The following CD101 variants were observed in gnomAD, a reference collection of about 807,000 sequenced individuals.
CD101 encodes the protein immunoglobulin superfamily member 2.
A neutral mutation model predicts 98.2 loss-of-function variants in CD101; 76 were observed. That is an observed-to-expected ratio of 0.77 (90% CI 0.64 to 0.94). The LOEUF (loss-of-function observed/expected upper bound fraction) is 0.94. Ranked by LOEUF, CD101 falls within the 40% of genes least tolerant of loss-of-function variation. The pLI is 0.00. For synonymous variants in CD101, 471 were observed against 472.7 expected (o/e 1.00, Z 0.05); for missense variants, 1,145 against 1,218.8 (o/e 0.94, Z 0.90).
At chr1:117,003,770 T>C (rs1401779481) in intron 1 of CD101, among the ~76,000 whole-genome samples, 1 of 152,234 alleles carries the variant, frequency 6.6e-6, no homozygotes, top group Non-Finnish European at 1.5e-5. Context: ...GTTATACATT[T>C]ACTTCTTCTA....
Position 117,006,929 on chromosome 1 carries a change from G to T in CD101, c.44-2921G>T, listed in dbSNP as rs1652569148. 6.6e-6 allele frequency among the ~76,000 whole-genome samples: 1 copy of T among 152,136 alleles called. No individual in the cohort carries two copies. Among genetic ancestry groups the T allele is most frequent in the African/African-American group, 2.4e-5 (1 of 41,438 alleles). ...ATTGGCAAATAAAGCAGTAGAAAAA[G>T]AAGTGCGTGTTTTCACAATAAAAAT... On this transcript the variant is annotated intron_variant, in intron 1 of 9. Transcript: ENST00000682167. This position sits in a 1 kb window ranked among gnomAD's most constrained non-coding sequence, Gnocchi z 4.4.
At chr1:117,024,523 AAATG>A (rs1476726158) in intron 7 of CD101, among the ~76,000 whole-genome samples, 3 of 133,236 alleles carry the variant, frequency 2.3e-5, no homozygotes, top group Non-Finnish European at 5.0e-5. Context: ...ATAAATAAAT[AAATG>A]TGTTTGTAGT....
chr1:117,020,159 C>T (rs1174581574), intron 6 of CD101, among the ~76,000 whole-genome samples: 2 of 152,156 alleles, frequency 1.3e-5, no homozygotes, highest in Non-Finnish European at 2.9e-5. Context: ...AGTCTCCCCT[C>T]ACTCCTGTAT....
In CD101 at chr1:117,010,572, A is replaced by G. The variant is rs1652828080; in HGVS notation, c.424+342A>G. On this transcript the variant is annotated intron_variant, in intron 2 of 9. Coordinates refer to ENST00000682167, the MANE Select transcript of CD101 (RefSeq NM_001256106.3). This position sits in a 1 kb window ranked among gnomAD's most constrained non-coding sequence, Gnocchi z 5.2. ...TGTCTCTGCTTGCAGGCAGAACAGT[A>G]ATTTGACAAGAAAGCTGGTACCATA... Among the ~76,000 whole-genome samples, 2 of 152,214 alleles carry G rather than the reference A, an allele frequency of 1.3e-5. No homozygotes were observed. The highest frequency in any genetic ancestry group is 2.9e-5 in the Non-Finnish European group (2 of 68,032).
intron 1 of CD101, 127 bp downstream of exon 1, chr1:117,001,987 T>C: frequency 1.1e-6 from 1 of 874,226 alleles, no homozygotes; most frequent in Non-Finnish European, 1.8e-6. Context: ...ATGTTAGCAA[T>C]AATTTTTGAC....
chr1:117,028,888 C>T (rs1253753579), intron 8 of CD101, among the ~76,000 whole-genome samples: 2 of 151,890 alleles, frequency 1.3e-5, no homozygotes, highest in Non-Finnish European at 2.9e-5. Context: ...CTTTCAAGAG[C>T]TTTGATGTCA....
chr1:117,026,284 A>G (rs1296234002), intron 8 of CD101: 1 of 188,370 alleles, frequency 5.3e-6, no homozygotes, highest in Non-Finnish European at 1.1e-5. Flanking sequence ...ATCATCAATA[A>G]AGGTAACAAT....
At position 117,019,718 on chromosome 1, in the gene CD101, G is replaced by A. The variant is rs777165670; in HGVS notation, c.2017+1158G>A. On this transcript the variant is annotated intron_variant, in intron 6 of 9. Transcript: ENST00000682167. This position sits in a 1 kb window ranked among gnomAD's most constrained non-coding sequence, Gnocchi z 4.3. ...AATTTCTCTTCTGATCTCCAGACTC[G>A]TATATCCAGCTGTCTCCAAGACATG... Among the ~76,000 whole-genome samples the A allele has an allele frequency of 5.9e-5, 9 of 151,938 alleles. No homozygotes were observed. Among genetic ancestry groups the A allele is most frequent in the Non-Finnish European group, 1.2e-4 (8 of 67,982 alleles).
At chr1:117,016,160 A>T (rs896523116) in intron 4 of CD101, among the ~76,000 whole-genome samples, 2 of 149,266 alleles carry the variant, frequency 1.3e-5, no homozygotes, top group African/African-American at 4.9e-5. Context: ...GTTGTACAAC[A>T]ACGTGTGTTG....
At chr1:117,003,469 G>T (rs1322089351) in intron 1 of CD101, among the ~76,000 whole-genome samples, 1 of 152,182 alleles carries the variant, frequency 6.6e-6, no homozygotes, top group Non-Finnish European at 1.5e-5. Context: ...GGTGTTGATG[G>T]ATAGGTGCAC....
intron 1 of CD101, among the ~76,000 whole-genome samples, chr1:117,003,532 G>A (rs541133505): frequency 6.6e-6 from 1 of 152,202 alleles, no homozygotes. Flanking sequence ...TAAGTTGTCT[G>A]AGTGTGATTC....
rs141390223 is a variant in CD101, at chr1:117,013,685, C to T, written c.1121C>T (p.Ala374Val). The T allele has an allele frequency of 6.8e-3, 10,988 of 1,614,104 alleles. 63 individuals carry two copies. The highest frequency in any genetic ancestry group is 0.015 in the Middle Eastern group (88 of 6,044). ...IFSLGPEDEG[A>V]YRCVVAEVMK... ...TCTCTGGGCCCAGAGGATGAAGGCG[C>T]CTACAGATGTGTGGTAGCAGAGGTC... The change falls in exon 4 of 10, where the codon GCC becomes GTC. Residue 374 changes from alanine to valine, a missense_variant. Coordinates refer to ENST00000682167, the MANE Select transcript of CD101 (RefSeq NM_001256106.3).
At position 117,011,700 on chromosome 1, in the gene CD101, G is replaced by A. The variant is rs1176023586; in HGVS notation, c.575G>A (p.Gly192Glu). Reference protein sequence around the residue: ...VTWYLTQDGGGSQATEIISLS... With the variant: ...VTWYLTQDGGESQATEIISLS... ...TGGTACCTAACACAGGATGGAGGAG[G>A]AAGCCAAGCCACTGAGATTATTTCT... The change falls in exon 3 of 10, where the codon GGA (glycine) becomes GAA (glutamate). Residue 192 changes from glycine (G) to glutamate (E), a missense_variant. By Grantham distance (98) the Gly-to-Glu change is moderately conservative. Coordinates refer to ENST00000682167, the MANE Select transcript of CD101 (RefSeq NM_001256106.3). 1.9e-6 allele frequency: 3 copies of A among 1,613,976 alleles called. No individual in the cohort carries two copies. Among genetic ancestry groups the A allele is most frequent in the Non-Finnish European group, 2.5e-6 (3 of 1,180,018 alleles).
At chr1:117,027,043 A>G (rs1653984511) in intron 8 of CD101, among the ~76,000 whole-genome samples, 1 of 152,202 alleles carries the variant, frequency 6.6e-6, no homozygotes, top group Non-Finnish European at 1.5e-5. Flanking sequence ...CCAGCTATGA[A>G]ATCATACGCT....
At chr1:117,028,102 T>TAAAATA (rs112056134) in intron 8 of CD101, among the ~76,000 whole-genome samples, 11,158 of 145,372 alleles carry the variant, frequency 0.077, 573 homozygotes, top group Non-Finnish European at 0.11. Flanking sequence ...AATAAATAAA[T>TAAAATA]AAATAAAATA....
At chr1:117,032,609 T>C (rs766624669) in intron 8 of CD101, 1 of 152,252 alleles carries the variant, frequency 6.6e-6, no homozygotes, top group Non-Finnish European at 1.5e-5. Context: ...AAATTGCTTA[T>C]GTCATTACAA....
At chr1:117,034,313 C>T in intron 9 of CD101, 179 bp downstream of exon 9, 1 of 588,810 alleles carries the variant, frequency 1.7e-6, no homozygotes, top group Non-Finnish European at 3.0e-6. Flanking sequence ...TCTCGCATCC[C>T]CCCTTGGAAC....
chr1:117,035,218 T>G (rs923555313), intron 9 of CD101, among the ~76,000 whole-genome samples: 1 of 151,184 alleles, frequency 6.6e-6, no homozygotes, highest in Non-Finnish European at 1.5e-5. Context: ...CAGTGCCACC[T>G]AAAGACTTGA....
chr1:117,009,913 G>C lies in CD101; in HGVS notation c.107G>C (p.Gly36Ala). 1 of 1,613,978 alleles carries C rather than the reference G, an allele frequency of 6.2e-7. No individual in the cohort carries two copies. Among genetic ancestry groups the C allele is most frequent in the Non-Finnish European group, 8.5e-7 (1 of 1,180,008 alleles). Residue 36 changes from glycine (G) to alanine (A), a missense_variant, in exon 2 of 10, where the codon GGT (glycine) becomes GCT (alanine). By Grantham distance (60) the Gly-to-Ala change is moderately conservative (BLOSUM62 0). Coordinates refer to ENST00000682167, the MANE Select transcript of CD101 (RefSeq NM_001256106.3). ...AAAGGACCACTGTTTAGAGCTGAAG[G>C]TTACCCAGTCAGCATTGGCTGCAAT... is the stretch of plus-strand genomic sequence containing the variant. ...VQKGPLFRAE[G>A]YPVSIGCNVT...
Sources: allele counts gnomAD v4.1 joint callset (sites outside exome capture counted in the v4.1 genomes callset), GRCh38; gene constraint gnomAD v4.1.1; non-coding constraint Gnocchi (gnomAD v3.1); transcripts MANE v1.5; gene names NCBI Gene and HGNC (gene_info 2026-07-23, HGNC 2026-07-21).